DIS3L2: variants seen among roughly 807,000 people sequenced by gnomAD.
DIS3L2 encodes DIS3 like 3'-5' exoribonuclease 2.
DIS3L2 carries 34 observed loss-of-function variants against 97.5 expected under a neutral mutation model. The observed-to-expected ratio is 0.35, with a 90% CI of 0.27 to 0.46. The LOEUF is 0.46. Ranked by LOEUF, DIS3L2 falls within the 20% of genes least tolerant of loss-of-function variation. The pLI is 1.00. For synonymous variants in DIS3L2, 435 were observed against 445.2 expected, an observed-to-expected ratio of 0.98 and a Z score of 0.29; for missense variants, 1,038 against 1,146.0, an observed-to-expected ratio of 0.91 and a Z score of 1.36.
At chr2:232,343,819 A>G (rs1405285819) in exon 14 of DIS3L2, 4 of 448,080 alleles carry the variant, frequency 8.9e-6, no homozygotes, top group African/African-American at 5.9e-5. Flanking sequence ...CCAATACCCA[A>G]TCTTTTCCCT....
intron 1 of DIS3L2, among the ~76,000 whole-genome samples, chr2:231,979,118 C>A (rs924790474): frequency 6.6e-6 from 1 of 151,994 alleles, no homozygotes; most frequent in Admixed American, 6.6e-5. Flanking sequence ...CTGTATTTTG[C>A]GTCTTAACTA....
intron 8 of DIS3L2, among the ~76,000 whole-genome samples, chr2:232,149,331 A>C: frequency 1.5e-5 from 2 of 132,370 alleles, no homozygotes; most frequent in African/African-American, 5.8e-5. Context: ...ATATCTCCCA[A>C]TGCTATCCCT....
chr2:231,990,562 CATG>C (rs1693556518), intron 1 of DIS3L2, among the ~76,000 whole-genome samples: 1 of 152,172 alleles, frequency 6.6e-6, no homozygotes. Context: ...ACAGAGTACA[CATG>C]AGAAATCAAG....
rs1421675116 is a variant in DIS3L2, at chr2:232,090,981, T to A, written c.601+3260T>A. On this transcript the variant is annotated intron_variant, in intron 6 of 20. Transcript: ENST00000325385. ...AGCATCTCAGACATTCATACAGTAG[T>A]TTCTTTGAGGACGACTACACAGGTC... Among the ~76,000 whole-genome samples the A allele has an allele frequency of 2.6e-5, 4 of 152,174 alleles. No homozygotes were observed. The East Asian group carries it at 7.7e-4, about 29-fold the overall frequency.
intron 5 of DIS3L2, among the ~76,000 whole-genome samples, chr2:232,086,640 T>C (rs1696644558): frequency 1.4e-4 from 7 of 51,230 alleles, no homozygotes; most frequent in Admixed American, 2.3e-4. Flanking sequence ...CACATATATA[T>C]ATATGTATAT....
At chr2:232,140,799 AGTT>A in intron 8 of DIS3L2, among the ~76,000 whole-genome samples, 1 of 152,294 alleles carries the variant, frequency 6.6e-6, no homozygotes, top group South Asian at 2.1e-4. Context: ...GGAGACTTCC[AGTT>A]GTTATAAAGT....
intron 1 of DIS3L2, among the ~76,000 whole-genome samples, chr2:231,974,629 A>T (rs907817980): frequency 6.6e-5 from 10 of 150,700 alleles, no homozygotes; most frequent in Middle Eastern, 3.4e-3. Flanking sequence ...TTTTAAAAAA[A>T]TTTTTTTACA....
chr2:232,222,006 G>A (rs1277180088), intron 10 of DIS3L2, among the ~76,000 whole-genome samples: 1 of 147,564 alleles, frequency 6.8e-6, no homozygotes, highest in Non-Finnish European at 1.5e-5. Flanking sequence ...GTGGTGGTGT[G>A]ATCTCGGCTC....
intron 10 of DIS3L2, among the ~76,000 whole-genome samples, chr2:232,219,994 A>AG (rs1692446769): frequency 6.6e-6 from 1 of 152,184 alleles, no homozygotes; most frequent in South Asian, 2.1e-4. Context: ...GTACAGTGCT[A>AG]GCTGCAGTGG....
intron 14 of DIS3L2, among the ~76,000 whole-genome samples, chr2:232,309,019 C>T (rs1695055599): frequency 6.6e-6 from 1 of 152,060 alleles, no homozygotes; most frequent in African/African-American, 2.4e-5. Context: ...GGAACAGGGG[C>T]AGGCCCGGGG....
At chr2:232,337,773 T>C (rs1344777948), downstream of DIS3L2, among the ~76,000 whole-genome samples, 4 of 151,532 alleles carry the variant, frequency 2.6e-5, no homozygotes, top group Non-Finnish European at 5.9e-5. Context: ...AAAGAAACAC[T>C]CAATAGGGTC....
intron 3 of DIS3L2, among the ~76,000 whole-genome samples, chr2:232,019,865 A>G (rs1471945562): frequency 6.6e-6 from 1 of 152,058 alleles, no homozygotes; most frequent in African/African-American, 2.4e-5. Flanking sequence ...TTATAGACTG[A>G]TCATTGCTAA....
intron 6 of DIS3L2, among the ~76,000 whole-genome samples, chr2:232,125,868 C>T (rs189610755): frequency 6.9e-4 from 105 of 152,288 alleles, no homozygotes; most frequent in African/African-American, 2.4e-3. Flanking sequence ...TTCATTTCTA[C>T]ATTTCACTGA....
intron 14 of DIS3L2, among the ~76,000 whole-genome samples, chr2:232,311,888 T>C (rs868697882): frequency 3.3e-5 from 5 of 152,338 alleles, no homozygotes; most frequent in Middle Eastern, 3.4e-3. Context: ...TACATGTCTT[T>C]TGGTGCACAT....
intron 9 of DIS3L2, among the ~76,000 whole-genome samples, chr2:232,175,636 T>A (rs551668536): frequency 6.6e-6 from 1 of 152,186 alleles, no homozygotes; most frequent in South Asian, 2.1e-4. Flanking sequence ...ATGAGTAAAT[T>A]GCATGTCTCT....
At position 231,995,592 on chromosome 2, in the gene DIS3L2, C is replaced by T. The variant is rs532184029; in HGVS notation, c.-93-19243C>T. ...AGCCTTAGAGTCTTCAGTCCCTCTG[C>T]GGCTTTAAACCACTCTTGATACTAA... is the stretch of plus-strand genomic sequence containing the variant. On this transcript the variant is annotated intron_variant, in intron 1 of 20. Transcript: ENST00000325385. Among the ~76,000 whole-genome samples the T allele has an allele frequency of 5.3e-5, 8 of 152,244 alleles. No individual in the cohort carries two copies. In the East Asian group the frequency reaches 1.2e-3, roughly 22 times the overall value.
chr2:232,128,643 C>CA (rs1286921250), intron 6 of DIS3L2, among the ~76,000 whole-genome samples: 3 of 151,630 alleles, frequency 2.0e-5, no homozygotes, highest in Admixed American at 6.6e-5. Context: ...TTAGTAGAGA[C>CA]AGAGTTTCGC....
intron 9 of DIS3L2, among the ~76,000 whole-genome samples, chr2:232,177,336 C>T (rs1691197897): frequency 1.4e-5 from 2 of 144,626 alleles, no homozygotes; most frequent in Non-Finnish European, 3.1e-5. Context: ...AATGGGATGG[C>T]TGGGTCAAAT....
Position 232,096,455 on chromosome 2 carries a change from G to A in DIS3L2, c.601+8734G>A, listed in dbSNP as rs186740428. ...AACCTTCTTGTACTTGGATATTAAT[G>A]TCTTTCTCTAGGTTTGGGGAATTGT... On this transcript the variant is annotated intron_variant, in intron 6 of 20. Transcript: ENST00000325385. 6.0e-3 allele frequency among the ~76,000 whole-genome samples: 919 copies of A among 152,132 alleles called. 11 individuals carry two copies. The highest frequency in any genetic ancestry group is 0.021 in the African/African-American group (890 of 41,496).
Sources: allele counts gnomAD v4.1 joint callset (sites outside exome capture counted in the v4.1 genomes callset), GRCh38; gene constraint gnomAD v4.1.1; transcripts MANE v1.5; gene names NCBI Gene and HGNC (gene_info 2026-07-23, HGNC 2026-07-21).